The following RCN2 variants were observed in gnomAD, a reference collection of about 807,000 sequenced individuals.
RCN2 encodes reticulocalbin 2, also known as reticulocalbin-2.
Under a neutral mutation model 37.5 loss-of-function variants are expected in RCN2, and 23 were observed. That is an observed-to-expected ratio of 0.61 (90% CI 0.44 to 0.87). The LOEUF (loss-of-function observed/expected upper bound fraction) is 0.87. RCN2 is among the 40% of genes least tolerant of loss of function. The pLI is 0.00. For synonymous variants in RCN2, 140 were observed against 144.6 expected (o/e 0.97, Z 0.23); for missense variants, 381 against 390.4 (o/e 0.98, Z 0.20).
At position 76,949,080 on chromosome 15, in the gene RCN2, T is replaced by C; in HGVS notation, c.812T>C (p.Leu271Pro). 1 of 1,597,564 alleles carries C rather than the reference T, an allele frequency of 6.3e-7. No homozygotes were observed. The highest frequency in any genetic ancestry group is 8.5e-7 in the Non-Finnish European group (1 of 1,174,814). ...QGIAQEEALH[L>P]IDEMDLNGDK... is the part of the protein sequence containing the mutation. ...TGTTTTATTTTGAAGGCGCTTCATCTAATTGATGAAATGGATTTGAATGGT... is the reference window on the plus strand; with the variant it reads ...TGTTTTATTTTGAAGGCGCTTCATCCAATTGATGAAATGGATTTGAATGGT... Residue 271 changes from leucine to proline, a missense_variant, in exon 7 of 7, where the codon CTA becomes CCA. Transcript: ENST00000394885.
At position 76,952,514 on chromosome 15, in the gene RCN2, CTA is replaced by C. The variant is rs1057480865; in HGVS notation, c.*3294_*3295del. 10 of 152,160 alleles carry C rather than the reference CTA, an allele frequency of 6.6e-5. No individual in the cohort carries two copies. The highest frequency in any genetic ancestry group is 2.4e-4 in the African/African-American group (10 of 41,438). 9.4% of individuals were successfully genotyped at this position (152,160 alleles called of 1,614,324 possible). A position where few individuals can be genotyped will look rare whatever the true frequency, so the allele number is the denominator to read the frequency against. On this transcript the variant is annotated 3_prime_UTR_variant, in exon 7 of 7. Transcript: ENST00000394885. The stretch of plus-strand genomic sequence containing the variant: ...TATTAAATACAGTCAAAATGTGAAA[CTA>C]TTACCACCTTCCATCTCCATGAACT...
At chr15:76,947,274 TAA>T in intron 4 of RCN2, 145 bp from the exon 5 acceptor site, 1 of 573,034 alleles carries the variant, frequency 1.7e-6, no homozygotes. Flanking sequence ...TTTTCCTGTA[TAA>T]GTACCTTACT....
chr15:76,941,754 C>T, intron 3 of RCN2: 1 of 828,150 alleles, frequency 1.2e-6, no homozygotes, highest in African/African-American at 1.8e-5. Context: ...AAAGCTACCC[C>T]CTTCACTTTT....
At chr15:76,940,522 G>C (rs1036048942) in intron 3 of RCN2, among the ~76,000 whole-genome samples, 4 of 149,236 alleles carry the variant, frequency 2.7e-5, no homozygotes, top group Non-Finnish European at 5.9e-5. Context: ...ACTGACGAAA[G>C]TCAGCTTAAT....
Position 76,951,609 on chromosome 15 carries a change from A to T in RCN2, c.*2387A>T, listed in dbSNP as rs2075321091. 6.6e-6 allele frequency: 1 copy of T among 152,200 alleles called. No individual in the cohort carries two copies. The highest frequency in any genetic ancestry group is 6.5e-5 in the Admixed American group (1 of 15,276). The allele number at this position is 152,200 out of a possible 1,614,324, so 9.4% of individuals were successfully genotyped here. On this transcript the variant is annotated 3_prime_UTR_variant, in exon 7 of 7. Coordinates refer to ENST00000394885, the MANE Select transcript of RCN2 (RefSeq NM_002902.3). Reference sequence around the variant, plus strand: ...AAAAGAATCATCTGCTTGAACAGAGATGCTATATCTACTGCTGAGTCAAAA... The same window carrying T: ...AAAAGAATCATCTGCTTGAACAGAGTTGCTATATCTACTGCTGAGTCAAAA...
chr15:76,951,059 G>A lies in RCN2; in HGVS notation c.*1837G>A, dbSNP rs940768545. ...TCTGTCATTTGTCAGACTCACTGAA[G>A]CTGGCATATTTGAAATCACCAGTTT... On this transcript the variant is annotated 3_prime_UTR_variant, in exon 7 of 7. Coordinates refer to ENST00000394885, the MANE Select transcript of RCN2 (RefSeq NM_002902.3). 2 of 152,226 alleles carry A rather than the reference G, an allele frequency of 1.3e-5. No individual in the cohort carries two copies. Among genetic ancestry groups the A allele is most frequent in the Non-Finnish European group, 2.9e-5 (2 of 68,034 alleles). The allele number at this position is 152,226 out of a possible 1,614,324, so 9.4% of individuals were successfully genotyped here. A position where few individuals can be genotyped will look rare whatever the true frequency, so the allele number is the denominator to read the frequency against.
rs1163351698 is a variant in RCN2 at position 76,949,951 on chromosome 15, G to A, written c.*729G>A. ...AACTTTCAGATAAATATTGAATTTA[G>A]CATAGGTTTTGTGGTATTGTACATT... On this transcript the variant is annotated 3_prime_UTR_variant, in exon 7 of 7. Coordinates refer to ENST00000394885, the MANE Select transcript of RCN2 (RefSeq NM_002902.3). 2 of 152,046 alleles carry A rather than the reference G, an allele frequency of 1.3e-5. No homozygotes were observed. Among genetic ancestry groups the A allele is most frequent in the Non-Finnish European group, 1.5e-5 (1 of 67,976 alleles). 9.4% of individuals were successfully genotyped at this position (152,046 alleles called of 1,614,324 possible). A position where few individuals can be genotyped will look rare whatever the true frequency, so the allele number is the denominator to read the frequency against.
At chr15:76,948,723 G>A (rs1568462117) in intron 6 of RCN2, 171 bp downstream of exon 6, 2 of 598,990 alleles carry the variant, frequency 3.3e-6, no homozygotes, top group Admixed American at 3.6e-5. Flanking sequence ...TCAGGGAGAC[G>A]AGGAAGTTAA....
At position 76,934,217 on chromosome 15, in the gene RCN2, C is replaced by T. The variant is rs543232928; in HGVS notation, c.251-1309C>T. ...GGCGTGCAGTAGTGTGATCTTGGCT[C>T]ACTACAGCCTCTGCCACCCAGGTTC... On this transcript the variant is annotated intron_variant, in intron 2 of 6. Transcript: ENST00000394885. 6.6e-4 allele frequency among the ~76,000 whole-genome samples: 101 copies of T among 151,908 alleles called. 4 individuals are homozygous for T. In the South Asian group the frequency reaches 0.02, roughly 29 times the overall value.
chr15:76,949,647 G>A lies in RCN2; in HGVS notation c.*425G>A, dbSNP rs1028278157. On this transcript the variant is annotated 3_prime_UTR_variant, in exon 7 of 7. Transcript: ENST00000394885. Reference sequence around the variant, plus strand: ...GGAACTGACAGGACAATGTTTTTAGGTTTAGCATTTTGTTTAAAAACCTTT... The same window carrying A: ...GGAACTGACAGGACAATGTTTTTAGATTTAGCATTTTGTTTAAAAACCTTT... 6.5e-6 allele frequency: 1 copy of A among 152,892 alleles called. No homozygotes were observed. The highest frequency in any genetic ancestry group is 2.4e-5 in the African/African-American group (1 of 41,448). 9.5% of individuals were successfully genotyped at this position (152,892 alleles called of 1,614,324 possible). A position where few individuals can be genotyped will look rare whatever the true frequency, so the allele number is the denominator to read the frequency against.
chr15:76,949,528 C>G lies in RCN2; in HGVS notation c.*306C>G, dbSNP rs2075310592. On this transcript the variant is annotated 3_prime_UTR_variant, in exon 7 of 7. Coordinates refer to ENST00000394885, the MANE Select transcript of RCN2 (RefSeq NM_002902.3). ...TGAGTTCTATTTCCATACTTGAAAACATGGAGGATTTTAGAGATGCCTGAA... is the reference window on the plus strand; with the variant it reads ...TGAGTTCTATTTCCATACTTGAAAAGATGGAGGATTTTAGAGATGCCTGAA... 1 of 186,654 alleles carries G rather than the reference C, an allele frequency of 5.4e-6. No homozygotes were observed. Among genetic ancestry groups the G allele is most frequent in the African/African-American group, 2.3e-5 (1 of 42,854 alleles). The allele number at this position is 186,654 out of a possible 1,614,324, so 11.6% of individuals were successfully genotyped here.
intron 3 of RCN2, chr15:76,938,844 G>C (rs1438270940): frequency 2.3e-6 from 1 of 442,230 alleles, no homozygotes; most frequent in East Asian, 7.2e-5. Context: ...ATGTGCCTCA[G>C]TTTCCTCATC....
intron 3 of RCN2, 122 bp downstream of exon 3, chr15:76,935,844 C>G (rs1263746130): frequency 4.3e-5 from 28 of 654,222 alleles, no homozygotes; most frequent in Admixed American, 1.7e-4. Context: ...TAGGAAATCA[C>G]CTGTTCCACT....
intron 2 of RCN2, among the ~76,000 whole-genome samples, chr15:76,933,341 C>G (rs1464542823): frequency 6.6e-6 from 1 of 152,214 alleles, no homozygotes; most frequent in African/African-American, 2.4e-5. Flanking sequence ...CAATTAAAAA[C>G]TGGTAAATTT....
rs942237248 is a variant in RCN2, at chr15:76,950,013, C to T, written c.*791C>T. On this transcript the variant is annotated 3_prime_UTR_variant, in exon 7 of 7. Coordinates refer to ENST00000394885, the MANE Select transcript of RCN2 (RefSeq NM_002902.3). ...TCCATTCCTTTATGTGGATAGTTCC[C>T]AAAACTGTCAAATTATTCTTGCTGC... 3.3e-5 allele frequency: 5 copies of T among 152,294 alleles called. No individual in the cohort carries two copies. Among genetic ancestry groups the T allele is most frequent in the African/African-American group, 4.8e-5 (2 of 41,328 alleles). The allele number at this position is 152,294 out of a possible 1,614,324, so 9.4% of individuals were successfully genotyped here.
rs577920509 is a variant in RCN2 at position 76,951,558 on chromosome 15, A to G, written c.*2336A>G. ...CTGAGTGAAGATTTCACATTTAACA[A>G]TAGGCTTTTAATAAGCATGCAGAGA... On this transcript the variant is annotated 3_prime_UTR_variant, in exon 7 of 7. Transcript: ENST00000394885. 2.0e-5 allele frequency: 3 copies of G among 152,354 alleles called. No individual in the cohort carries two copies. The highest frequency in any genetic ancestry group is 2.1e-4 in the South Asian group (1 of 4,830). The allele number at this position is 152,354 out of a possible 1,614,324, so 9.4% of individuals were successfully genotyped here.
rs955080086 is a variant in RCN2, at chr15:76,951,500, T to A, written c.*2278T>A. The A allele has an allele frequency of 2.0e-5, 3 of 152,192 alleles. No individual in the cohort carries two copies. The highest frequency in any genetic ancestry group is 7.2e-5 in the African/African-American group (3 of 41,434). The allele number at this position is 152,192 out of a possible 1,614,324, so 9.4% of individuals were successfully genotyped here. A position where few individuals can be genotyped will look rare whatever the true frequency, so the allele number is the denominator to read the frequency against. ...ACTGAGATTTGGTTGTGCTTTTTTG[T>A]TTTTAACCACAGCAGAGCCCATCCT... On this transcript the variant is annotated 3_prime_UTR_variant, in exon 7 of 7. Transcript: ENST00000394885.
At position 76,954,293 on chromosome 15, in the gene RCN2, G is replaced by T. The variant is rs2075339536; in HGVS notation, c.*5071G>T. On this transcript the variant is annotated 3_prime_UTR_variant, in exon 7 of 7. Coordinates refer to ENST00000394885, the MANE Select transcript of RCN2 (RefSeq NM_002902.3). ...CTTACACTTTTTCACTTAGGAAGATGATTTAGGAAAGCCACTTAGAGTAAA... is the reference window on the plus strand; with the variant it reads ...CTTACACTTTTTCACTTAGGAAGATTATTTAGGAAAGCCACTTAGAGTAAA... The T allele has an allele frequency of 6.6e-6, 1 of 152,054 alleles. No individual in the cohort carries two copies. The highest frequency in any genetic ancestry group is 2.4e-5 in the African/African-American group (1 of 41,390). The allele number at this position is 152,054 out of a possible 1,614,324, so 9.4% of individuals were successfully genotyped here. A position where few individuals can be genotyped will look rare whatever the true frequency, so the allele number is the denominator to read the frequency against.
chr15:76,939,741 G>A lies in RCN2; in HGVS notation c.448-4017G>A, dbSNP rs539579050. ...AGGAACAACAGAGAAGTTAAATACA[G>A]TATTTTAAAATCTTGCTGGAATTAG... On this transcript the variant is annotated intron_variant, in intron 3 of 6. Transcript: ENST00000394885. 5.9e-5 allele frequency among the ~76,000 whole-genome samples: 9 copies of A among 152,258 alleles called. No individual in the cohort carries two copies. In the South Asian group the frequency reaches 8.3e-4, roughly 14 times the overall value.
Sources: gnomAD v4.1 joint callset for allele counts (sites outside exome capture counted in the v4.1 genomes callset) on GRCh38, gnomAD v4.1.1 for gene constraint, MANE v1.5 for transcripts, NCBI Gene and HGNC (gene_info 2026-07-23, HGNC 2026-07-21) for gene names.